UTRN: variants seen among roughly 807,000 people sequenced by gnomAD.
UTRN encodes utrophin.
Under a neutral mutation model 463.9 loss-of-function variants are expected in UTRN, and 283 were observed. The ratio of observed to expected loss-of-function variants is 0.61; its 90% confidence interval spans 0.55 to 0.67. The LOEUF is 0.67. Ranked by LOEUF, UTRN falls within the 30% of genes least tolerant of loss-of-function variation. The pLI, the probability that UTRN is intolerant of heterozygous loss-of-function variation, is 0.00. For synonymous variants in UTRN, 1,442 were observed against 1,431.5 expected (o/e 1.01, Z -0.17); for missense variants, 3,922 against 4,084.3 (o/e 0.96, Z 1.08).
intron 53 of UTRN, among the ~76,000 whole-genome samples, chr6:144,713,326 C>T (rs947006223): frequency 2.6e-5 from 4 of 152,036 alleles, no homozygotes; most frequent in Admixed American, 2.6e-4. Context: ...GTACAGGGGG[C>T]CGGGTGCAGT....
rs1276897200 is a variant in UTRN at position 144,690,073 on chromosome 6, TG to T, written c.7653-10013del. On this transcript the variant is annotated intron_variant, in intron 52 of 74. Coordinates refer to ENST00000367545, the MANE Select transcript of UTRN (RefSeq NM_007124.3). ...GGGCCATAGAGCTCCCAAAAGTTTC[TG>T]TTTTTTTTTTTTTTTTTTTTTTGTG... is the stretch of plus-strand genomic sequence containing the variant. 1.1e-3 allele frequency among the ~76,000 whole-genome samples: 72 copies of T among 63,754 alleles called. 2 individuals are homozygous for T. The highest frequency in any genetic ancestry group is 4.4e-3 in the African/African-American group (57 of 12,982). The allele number at this position is 63,754 out of a possible 152,430, so 41.8% of individuals were successfully genotyped here.
intron 25 of UTRN, among the ~76,000 whole-genome samples, chr6:144,477,593 C>G (rs924694494): frequency 4.0e-5 from 6 of 151,354 alleles, no homozygotes; most frequent in Non-Finnish European, 7.4e-5. Flanking sequence ...TACTTTTGAA[C>G]AGTAAGTTGA....
intron 34 of UTRN, among the ~76,000 whole-genome samples, chr6:144,506,047 T>A (rs1422754778): frequency 6.6e-6 from 1 of 152,096 alleles, no homozygotes; most frequent in Non-Finnish European, 1.5e-5. Context: ...TAGTTTAAAG[T>A]CTGTTTTATC....
intron 2 of UTRN, among the ~76,000 whole-genome samples, chr6:144,352,551 A>G (rs910769891): frequency 3.3e-5 from 5 of 152,090 alleles, no homozygotes; most frequent in African/African-American, 1.2e-4. Context: ...CCTCCTATGC[A>G]TTTCTCCTGC....
chr6:144,644,647 A>T (rs986010389), intron 51 of UTRN, among the ~76,000 whole-genome samples: 1 of 152,138 alleles, frequency 6.6e-6, no homozygotes, highest in African/African-American at 2.4e-5. Flanking sequence ...GTGTTTTTCT[A>T]AAAAGAAATT....
At chr6:144,785,368 G>T (rs938560734) in intron 61 of UTRN, among the ~76,000 whole-genome samples, 19 of 152,124 alleles carry the variant, frequency 1.2e-4, no homozygotes, top group African/African-American at 4.6e-4. Flanking sequence ...AAGGATTTGG[G>T]GATCTTTAAT....
rs59989498 is a variant in UTRN at position 144,602,745 on chromosome 6, C to T, written c.7479+25457C>T. Among the ~76,000 whole-genome samples the T allele has an allele frequency of 7.3e-3, 1,115 of 152,262 alleles. 13 individuals carry two copies. Among genetic ancestry groups the T allele is most frequent in the Middle Eastern group, 0.027 (8 of 294 alleles). On this transcript the variant is annotated intron_variant, in intron 51 of 74. Transcript: ENST00000367545. ...GAACACTGAACACTTTCAGTGCAGA[C>T]TCCATACAGACAGGGGCCCTGACTG...
At chr6:144,786,281 ATTTG>A (rs1485222902) in intron 61 of UTRN, among the ~76,000 whole-genome samples, 5 of 151,758 alleles carry the variant, frequency 3.3e-5, no homozygotes, top group Non-Finnish European at 5.9e-5. Context: ...AATGCATCTT[ATTTG>A]TTTGTTTTTG....
intron 45 of UTRN, among the ~76,000 whole-genome samples, chr6:144,539,962 A>G (rs955475193): frequency 4.0e-5 from 6 of 151,244 alleles, no homozygotes; most frequent in Non-Finnish European, 8.8e-5. Context: ...AGAATTGCCT[A>G]TACCTGGGAG....
At chr6:144,351,013 T>G (rs1323502167) in intron 2 of UTRN, among the ~76,000 whole-genome samples, 1 of 152,220 alleles carries the variant, frequency 6.6e-6, no homozygotes, top group East Asian at 1.9e-4. Flanking sequence ...TGATAAATTA[T>G]TTCCATATGG....
chr6:144,669,956 G>GGTGTGTGTGT (rs35769043), intron 51 of UTRN, among the ~76,000 whole-genome samples: 1,504 of 147,978 alleles, frequency 0.01, 18 homozygotes, highest in African/African-American at 0.028. Context: ...AGTATTCCAT[G>GGTGTGTGTGT]GTGTGTGTGT....
chr6:144,840,229 A>C (rs1361218620), intron 72 of UTRN, among the ~76,000 whole-genome samples: 1 of 152,046 alleles, frequency 6.6e-6, no homozygotes, highest in Non-Finnish European at 1.5e-5. Flanking sequence ...ATATTTTTTA[A>C]ATAAGAGAAC....
intron 2 of UTRN, among the ~76,000 whole-genome samples, chr6:144,316,221 A>G (rs1775279668): frequency 6.6e-6 from 1 of 152,058 alleles, no homozygotes; most frequent in Non-Finnish European, 1.5e-5. Flanking sequence ...AAACAAAACA[A>G]CGGATAGACT....
At chr6:144,784,304 A>G (rs1226040724) in intron 61 of UTRN, among the ~76,000 whole-genome samples, 1 of 152,160 alleles carries the variant, frequency 6.6e-6, no homozygotes, top group Non-Finnish European at 1.5e-5. Context: ...CAACAAGAGA[A>G]ATTTATTTCC....
intron 39 of UTRN, among the ~76,000 whole-genome samples, chr6:144,521,288 A>G (rs900920506): frequency 1.3e-5 from 2 of 151,468 alleles, no homozygotes; most frequent in Non-Finnish European, 2.9e-5. Flanking sequence ...TCTGTCCTGC[A>G]CCCCCCCAAA....
chr6:144,793,740 A>C (rs916944130), intron 62 of UTRN, 94 bp from the exon 63 acceptor site: 8 of 1,458,628 alleles, frequency 5.5e-6, no homozygotes, highest in Non-Finnish European at 7.3e-6. Context: ...AAATTTTTTT[A>C]ATCTGCATGG....
chr6:144,308,446 C>T lies in UTRN; in HGVS notation c.79+16539C>T, dbSNP rs570992039. Among the ~76,000 whole-genome samples, 26 of 152,186 alleles carry T rather than the reference C, an allele frequency of 1.7e-4. No homozygotes were observed. The South Asian group carries it at 3.1e-3, about 18-fold the overall frequency. On this transcript the variant is annotated intron_variant, in intron 2 of 74. Transcript: ENST00000367545. ...CTGGGGCTATAGGCATGTGCCACCA[C>T]GCCTGGCTAATTTTTGTATTTTTTT...
intron 53 of UTRN, among the ~76,000 whole-genome samples, chr6:144,719,461 C>CTGAGTAGCCTT (rs34187693): frequency 6.6e-6 from 1 of 152,116 alleles, no homozygotes; most frequent in Non-Finnish European, 1.5e-5. Context: ...CCTGTAATCC[C>CTGAGTAGCCTT]AGCTACTCAG....
chr6:144,752,960 A>G (rs1208000977), intron 56 of UTRN, among the ~76,000 whole-genome samples: 1 of 152,150 alleles, frequency 6.6e-6, no homozygotes, highest in East Asian at 1.9e-4. Flanking sequence ...AAGAAGAGAA[A>G]AATCTATGCT....
Sources: allele counts gnomAD v4.1 joint callset (sites outside exome capture counted in the v4.1 genomes callset), GRCh38; gene constraint gnomAD v4.1.1; transcripts MANE v1.5; gene names NCBI Gene and HGNC (gene_info 2026-07-23, HGNC 2026-07-21).